CTNNA3: variants seen among roughly 807,000 people sequenced by gnomAD.
CTNNA3 encodes the protein catenin alpha 3, also known as catenin alpha-3.
A neutral mutation model predicts 95.7 loss-of-function variants in CTNNA3; 76 were observed. That is an observed-to-expected ratio of 0.79 (90% CI 0.66 to 0.96). CTNNA3 has a LOEUF of 0.96. CTNNA3 is among the 40% of genes least tolerant of loss of function. The pLI is 0.00. For synonymous variants in CTNNA3, 431 were observed against 374.4 expected (o/e 1.15, Z -1.74); for missense variants, 1,191 against 1,089.8 (o/e 1.09, Z -1.31).
intron 13 of CTNNA3, among the ~76,000 whole-genome samples, chr10:66,134,492 G>A (rs947400916): frequency 7.2e-5 from 11 of 152,108 alleles, no homozygotes; most frequent in African/African-American, 2.7e-4. Flanking sequence ...AGATTTGTAT[G>A]AGATAATTAG....
chr10:67,726,651 A>ATG (rs1564841393), intron 1 of CTNNA3, among the ~76,000 whole-genome samples: 3 of 71,614 alleles, frequency 4.2e-5, no homozygotes, highest in Non-Finnish European at 6.9e-5. Context: ...TATATACTAT[A>ATG]ATATATTATA....
chr10:67,196,832 T>A (rs940811637), intron 6 of CTNNA3, among the ~76,000 whole-genome samples: 1 of 152,132 alleles, frequency 6.6e-6, no homozygotes, highest in African/African-American at 2.4e-5. Context: ...ATTGAATTAA[T>A]CTTACCATAA....
At chr10:66,394,524 T>C (rs2092959328) in intron 11 of CTNNA3, among the ~76,000 whole-genome samples, 2 of 143,098 alleles carry the variant, frequency 1.4e-5, no homozygotes, top group South Asian at 4.4e-4. Flanking sequence ...GAGAACCTAT[T>C]AACATCTAAT....
chr10:66,614,862 G>A (rs981951266), intron 10 of CTNNA3, among the ~76,000 whole-genome samples: 2 of 151,914 alleles, frequency 1.3e-5, no homozygotes, highest in Non-Finnish European at 2.9e-5. Flanking sequence ...ACTTAGGAGG[G>A]TTTGCCTAAT....
intron 5 of CTNNA3, among the ~76,000 whole-genome samples, chr10:67,295,022 A>G (rs151018299): frequency 1.6e-4 from 25 of 152,294 alleles, no homozygotes; most frequent in African/African-American, 5.3e-4. Context: ...GCCTTCAACA[A>G]CATCATAATT....
At chr10:66,891,915 A>T (rs1020205455) in intron 7 of CTNNA3, among the ~76,000 whole-genome samples, 1 of 152,114 alleles carries the variant, frequency 6.6e-6, no homozygotes. Flanking sequence ...CAGATAAGGG[A>T]AAAAACACTA....
chr10:66,989,201 T>C (rs753633682), intron 7 of CTNNA3, among the ~76,000 whole-genome samples: 4 of 152,182 alleles, frequency 2.6e-5, no homozygotes, highest in Admixed American at 6.5e-5. Context: ...ATTCCTCTTC[T>C]TTCTCCAATT....
chr10:67,442,018 G>T (rs988349378), intron 5 of CTNNA3, among the ~76,000 whole-genome samples: 1 of 152,074 alleles, frequency 6.6e-6, no homozygotes, highest in Non-Finnish European at 1.5e-5. Flanking sequence ...AGTGCAATAA[G>T]GCATAAGCAG....
At chr10:66,073,534 A>T (rs1019733158) in intron 14 of CTNNA3, among the ~76,000 whole-genome samples, 5 of 152,102 alleles carry the variant, frequency 3.3e-5, no homozygotes, top group African/African-American at 1.2e-4. Context: ...CTTGATTTTC[A>T]TGTTTCTCAG....
chr10:66,147,331 AT>A (rs1356308172), intron 13 of CTNNA3, among the ~76,000 whole-genome samples: 1 of 152,160 alleles, frequency 6.6e-6, no homozygotes, highest in Non-Finnish European at 1.5e-5. Context: ...TACAGCTATA[AT>A]TCATGTTGTT....
rs147867909 is a variant in CTNNA3, at chr10:67,126,099, A to T, written c.1047+54218T>A. On this transcript the variant is annotated intron_variant, in intron 7 of 17. Coordinates refer to ENST00000433211, the MANE Select transcript of CTNNA3 (RefSeq NM_013266.4). The stretch of plus-strand genomic sequence containing the variant: ...AAAAGTGTCTTTCAGCATAAAAGAC[A>T]TTGTGGAAAAGAGAAGAAATACTAA... Among the ~76,000 whole-genome samples, 37 of 152,376 alleles carry T rather than the reference A, an allele frequency of 2.4e-4. No individual in the cohort carries two copies. The East Asian group carries it at 6.6e-3, about 27-fold the overall frequency.
intron 10 of CTNNA3, among the ~76,000 whole-genome samples, chr10:66,594,120 C>T (rs1843636881): frequency 6.6e-6 from 1 of 152,104 alleles, no homozygotes; most frequent in African/African-American, 2.4e-5. Context: ...ATGACATCTC[C>T]TCAAATCTTT....
intron 13 of CTNNA3, among the ~76,000 whole-genome samples, chr10:66,151,092 T>C (rs1216914272): frequency 6.6e-6 from 1 of 152,068 alleles, no homozygotes; most frequent in African/African-American, 2.4e-5. Flanking sequence ...GTTTTATTCC[T>C]TCATAAGATG....
At chr10:67,433,448 A>T (rs1434797252) in intron 5 of CTNNA3, among the ~76,000 whole-genome samples, 3 of 152,108 alleles carry the variant, frequency 2.0e-5, no homozygotes, top group South Asian at 2.1e-4. Flanking sequence ...TGACACAGAC[A>T]GGAAGTGACC....
intron 1 of CTNNA3, among the ~76,000 whole-genome samples, chr10:67,761,040 A>C (rs1190684757): frequency 6.6e-6 from 1 of 152,226 alleles, no homozygotes; most frequent in Non-Finnish European, 1.5e-5. Context: ...GGTACCAAAA[A>C]GGTTAGCGAC....
intron 7 of CTNNA3, among the ~76,000 whole-genome samples, chr10:67,102,703 AAAT>A (rs1211808328): frequency 6.6e-6 from 1 of 151,904 alleles, no homozygotes; most frequent in Non-Finnish European, 1.5e-5. Flanking sequence ...AGGAACCTTG[AAAT>A]TGCTTTTTAA....
At chr10:66,690,143 G>A (rs1847463217) in intron 9 of CTNNA3, among the ~76,000 whole-genome samples, 1 of 152,188 alleles carries the variant, frequency 6.6e-6, no homozygotes, top group Admixed American at 6.5e-5. Context: ...TGTGTAACTG[G>A]GAGTATGCAT....
intron 7 of CTNNA3, among the ~76,000 whole-genome samples, chr10:67,053,695 G>C (rs1326065379): frequency 6.6e-6 from 1 of 152,092 alleles, no homozygotes; most frequent in Non-Finnish European, 1.5e-5. Context: ...AGTCCTTGAA[G>C]AGCAAAAACA....
intron 9 of CTNNA3, among the ~76,000 whole-genome samples, chr10:66,702,493 T>C (rs563107032): frequency 2.0e-5 from 3 of 151,636 alleles, no homozygotes; most frequent in Non-Finnish European, 4.4e-5. Flanking sequence ...TCACCTGAGG[T>C]CAGGAGTTCG....
Sources: gnomAD v4.1 joint callset for allele counts (sites outside exome capture counted in the v4.1 genomes callset) on GRCh38, gnomAD v4.1.1 for gene constraint, MANE v1.5 for transcripts, NCBI Gene and HGNC (gene_info 2026-07-23, HGNC 2026-07-21) for gene names.